The following PTPRO variants were observed in gnomAD, a reference collection of about 807,000 sequenced individuals.
The protein encoded by PTPRO is protein tyrosine phosphatase receptor type O, also known as receptor-type tyrosine-protein phosphatase O.
Under a neutral mutation model 145.2 loss-of-function variants are expected in PTPRO, and 62 were observed. The observed-to-expected ratio is 0.43, with a 90% CI of 0.35 to 0.53. PTPRO has a LOEUF of 0.53. PTPRO is among the 20% of genes least tolerant of loss of function. PTPRO has a pLI of 0.01. For missense variants in PTPRO, 1,345 were observed against 1,482.7 expected, an observed-to-expected ratio of 0.91 and a Z score of 1.53; for synonymous variants, 565 against 514.7, an observed-to-expected ratio of 1.10 and a Z score of -1.32.
At chr12:15,431,081 C>T (rs1424683035) in intron 1 of PTPRO, among the ~76,000 whole-genome samples, 1 of 152,146 alleles carries the variant, frequency 6.6e-6, no homozygotes, top group Non-Finnish European at 1.5e-5. Flanking sequence ...AGAATGGTTA[C>T]CATTTGTTGT....
chr12:15,460,758 C>T lies in PTPRO; in HGVS notation c.76-23216C>T, dbSNP rs115006766. Among the ~76,000 whole-genome samples, 1,059 of 152,246 alleles carry T rather than the reference C, an allele frequency of 7.0e-3. 10 individuals are homozygous for T. Among genetic ancestry groups the T allele is most frequent in the African/African-American group, 0.025 (1,019 of 41,546 alleles). The stretch of plus-strand genomic sequence containing the variant: ...GACCTACGTTTAAGTAAGAATTTTC[C>T]TTGAACCATCAAGATATTCTTGGAC... On this transcript the variant is annotated intron_variant, in intron 1 of 26. Coordinates refer to ENST00000281171, the MANE Select transcript of PTPRO (RefSeq NM_030667.3).
At chr12:15,478,219 G>C (rs1384569271) in intron 1 of PTPRO, among the ~76,000 whole-genome samples, 1 of 152,140 alleles carries the variant, frequency 6.6e-6, no homozygotes, top group Non-Finnish European at 1.5e-5. Context: ...GAATGTCTGT[G>C]ATCACCAGCC....
intron 15 of PTPRO, among the ~76,000 whole-genome samples, chr12:15,557,248 C>T (rs1372136965): frequency 2.0e-5 from 3 of 151,984 alleles, no homozygotes; most frequent in African/African-American, 7.2e-5. Flanking sequence ...GCCATGTTGG[C>T]GAAACTCCTG....
chr12:15,455,319 A>C (rs1050203851), intron 1 of PTPRO, among the ~76,000 whole-genome samples: 21 of 145,012 alleles, frequency 1.4e-4, no homozygotes, highest in East Asian at 6.1e-4. Flanking sequence ...TCCCCCCCAC[A>C]CACACAATAC....
chr12:15,347,447 T>C (rs1867261283), intron 1 of PTPRO, among the ~76,000 whole-genome samples: 1 of 152,216 alleles, frequency 6.6e-6, no homozygotes, highest in Non-Finnish European at 1.5e-5. Context: ...TTATATTCAC[T>C]ATTATCATTT....
chr12:15,403,225 A>G (rs1341593231), intron 1 of PTPRO, among the ~76,000 whole-genome samples: 1 of 152,058 alleles, frequency 6.6e-6, no homozygotes, highest in Non-Finnish European at 1.5e-5. Flanking sequence ...CTTCATCGGC[A>G]TTTCTGGCAG....
chr12:15,568,412 A>G (rs1413498188), intron 18 of PTPRO, among the ~76,000 whole-genome samples: 7 of 151,672 alleles, frequency 4.6e-5, no homozygotes, highest in Non-Finnish European at 8.8e-5. Context: ...TCTGGGTGAC[A>G]GAGTGAGACT....
intron 1 of PTPRO, among the ~76,000 whole-genome samples, chr12:15,354,231 C>G (rs1357505281): frequency 6.6e-6 from 1 of 152,116 alleles, no homozygotes; most frequent in East Asian, 1.9e-4. Flanking sequence ...AATGAGTCAT[C>G]CATTTGTAAA....
chr12:15,411,473 T>A (rs1939798943), intron 1 of PTPRO, among the ~76,000 whole-genome samples: 1 of 152,208 alleles, frequency 6.6e-6, no homozygotes, highest in Non-Finnish European at 1.5e-5. Flanking sequence ...TTGCTTAGAA[T>A]GGGAACAGAA....
chr12:15,366,372 T>A (rs7302197), intron 1 of PTPRO, among the ~76,000 whole-genome samples: 29,880 of 152,014 alleles, frequency 0.2, 7,349 homozygotes, highest in African/African-American at 0.58. Context: ...GGGAAAATTG[T>A]AATGGCAGAT....
chr12:15,516,996 A>T, intron 9 of PTPRO, 40 bp downstream of exon 9: 1 of 1,535,190 alleles, frequency 6.5e-7, no homozygotes, highest in Non-Finnish European at 9.0e-7. Context: ...TTCCTATGGG[A>T]ACAGGCAAAC....
At chr12:15,371,257 G>A (rs930287327) in intron 1 of PTPRO, among the ~76,000 whole-genome samples, 16 of 147,156 alleles carry the variant, frequency 1.1e-4, no homozygotes, top group African/African-American at 2.0e-4. Flanking sequence ...TTTTTAGACC[G>A]AGTCTCGCTC....
At chr12:15,446,846 G>C (rs1022783925) in intron 1 of PTPRO, among the ~76,000 whole-genome samples, 2 of 152,102 alleles carry the variant, frequency 1.3e-5, no homozygotes, top group Admixed American at 6.6e-5. Context: ...GTGCCAGCAG[G>C]GAGCCGTTGA....
At position 15,499,507 on chromosome 12, in the gene PTPRO, T is replaced by C. The variant is rs778504244; in HGVS notation, c.574T>C (p.Phe192Leu). Residue 192 changes from phenylalanine to leucine, a missense_variant, in exon 4 of 27, where the codon TTT (phenylalanine) becomes CTT (leucine). By Grantham distance (22) the Phe-to-Leu change is conservative (BLOSUM62 0). Transcript: ENST00000281171. ...AGGAATGTGTTATAGTAATATCACC[T>C]TTCAGCTGGTATCTGAGGCAACTTT... ...LPGMCYSNIT[F>L]QLVSEATFNK... The C allele has an allele frequency of 6.2e-7, 1 of 1,613,666 alleles. No individual in the cohort carries two copies. The highest frequency in any genetic ancestry group is 8.5e-7 in the Non-Finnish European group (1 of 1,179,614).
At chr12:15,403,268 C>A (rs1462035586) in intron 1 of PTPRO, among the ~76,000 whole-genome samples, 5 of 152,076 alleles carry the variant, frequency 3.3e-5, no homozygotes, top group Admixed American at 2.6e-4. Context: ...TCTGCCTGGA[C>A]AACTCTTCAG....
intron 1 of PTPRO, among the ~76,000 whole-genome samples, chr12:15,462,741 A>C (rs1941333535): frequency 1.3e-5 from 2 of 152,160 alleles, no homozygotes; most frequent in South Asian, 4.2e-4. Flanking sequence ...CATGTAGAGA[A>C]ATTCCTGGCA....
intron 1 of PTPRO, among the ~76,000 whole-genome samples, chr12:15,432,069 G>T (rs1940456230): frequency 6.6e-6 from 1 of 151,980 alleles, no homozygotes. Flanking sequence ...ATGTCATGGG[G>T]GTTTATTGTA....
chr12:15,479,034 G>A (rs930557796), intron 1 of PTPRO, among the ~76,000 whole-genome samples: 4 of 152,046 alleles, frequency 2.6e-5, no homozygotes, highest in Non-Finnish European at 5.9e-5. Flanking sequence ...CACCTTCACC[G>A]CACTGAATGT....
At chr12:15,361,438 C>CAAAAAAAAAAAAAAAAAAAAAAAAAAAAA (rs71042244) in intron 1 of PTPRO, among the ~76,000 whole-genome samples, 1 of 71,302 alleles carries the variant, frequency 1.4e-5, no homozygotes, top group African/African-American at 5.7e-5. Context: ...GACTCAGTCT[C>CAAAAAAAAAAAAAAAAAAAAAAAAAAAAA]AAAAAAAAAA....
Sources: gnomAD v4.1 joint callset for allele counts (sites outside exome capture counted in the v4.1 genomes callset) on GRCh38, gnomAD v4.1.1 for gene constraint, MANE v1.5 for transcripts, NCBI Gene and HGNC (gene_info 2026-07-23, HGNC 2026-07-21) for gene names.